GPM6B: variants seen among roughly 807,000 people sequenced by gnomAD.
The protein encoded by GPM6B is neuronal membrane glycoprotein M6-b.
GPM6B carries 4 observed loss-of-function variants against 27.2 expected under a neutral mutation model. The observed-to-expected ratio is 0.15, with a 90% CI of 0.07 to 0.34. The LOEUF is 0.34. Ranked by LOEUF, GPM6B falls within the 10% of genes least tolerant of loss-of-function variation. GPM6B has a pLI of 1.00. For synonymous variants in GPM6B, 124 were observed against 103.1 expected (o/e 1.20, Z -1.23); for missense variants, 183 against 261.9 (o/e 0.70, Z 2.08).
intron 4 of GPM6B, chrX:13,780,886 C>A (rs1280352553): frequency 3.4e-6 from 1 of 294,608 alleles, no homozygotes; most frequent in South Asian, 3.1e-5. Context: ...CTGATGGTCA[C>A]CCCTAACTTT....
chrX:13,797,721 A>G (rs111336027), intron 2 of GPM6B, among the ~76,000 whole-genome samples: 1,577 of 111,311 alleles, frequency 0.014, 30 homozygotes, highest in African/African-American at 0.049. Flanking sequence ...GAGTGGGTGC[A>G]AGCTCAACTC....
chrX:13,909,960 C>A (rs1419017795), intron 1 of GPM6B, among the ~76,000 whole-genome samples: 1 of 111,845 alleles, frequency 8.9e-6, no homozygotes. Context: ...TCCCTCCTAC[C>A]CGTCAATAAG....
chrX:13,851,525 C>T (rs1309654805), intron 1 of GPM6B, among the ~76,000 whole-genome samples: 6 of 110,996 alleles, frequency 5.4e-5, no homozygotes, highest in Admixed American at 1.9e-4. Context: ...GCCTTGCTTA[C>T]GGTCCTATAT....
chrX:13,904,953 C>T (rs952967347), intron 1 of GPM6B, among the ~76,000 whole-genome samples: 1 of 110,719 alleles, frequency 9.0e-6, no homozygotes, highest in African/African-American at 3.3e-5. Context: ...AGAAAAATCA[C>T]GCCAGATGTG....
chrX:13,896,496 G>A (rs7889015), intron 1 of GPM6B, among the ~76,000 whole-genome samples: 1,636 of 111,111 alleles, frequency 0.015, 26 homozygotes, highest in African/African-American at 0.05. Context: ...ATGTTCCTAA[G>A]TAATATTAGA....
At chrX:13,836,615 A>G (rs770552423) in intron 1 of GPM6B, among the ~76,000 whole-genome samples, 24 of 112,570 alleles carry the variant, frequency 2.1e-4, no homozygotes, top group Non-Finnish European at 4.1e-4. Context: ...AAGACATCCT[A>G]TATTTTTGTT....
intron 1 of GPM6B, among the ~76,000 whole-genome samples, chrX:13,892,811 T>C (rs892199768): frequency 8.9e-6 from 1 of 111,932 alleles, no homozygotes; most frequent in Admixed American, 9.5e-5. Flanking sequence ...TCTCAGCACT[T>C]TGGGAGGCCG....
intron 1 of GPM6B, among the ~76,000 whole-genome samples, chrX:13,886,670 A>G (rs2050137998): frequency 1.1e-5 from 1 of 95,227 alleles, no homozygotes; most frequent in South Asian, 6.2e-4. Context: ...ATCAAACCAA[A>G]GAGAATGACA....
At chrX:13,907,142 A>T (rs2050338691) in intron 1 of GPM6B, among the ~76,000 whole-genome samples, 1 of 112,576 alleles carries the variant, frequency 8.9e-6, no homozygotes, top group Non-Finnish European at 1.9e-5. Flanking sequence ...AAGCGACCAC[A>T]AAAGCCCTAT....
chrX:13,794,840 C>A (rs185640672), intron 2 of GPM6B, among the ~76,000 whole-genome samples: 1 of 112,005 alleles, frequency 8.9e-6, no homozygotes, highest in African/African-American at 3.2e-5. Flanking sequence ...CACAAACCAG[C>A]GTGTGACAGT....
intron 1 of GPM6B, among the ~76,000 whole-genome samples, chrX:13,836,362 G>A (rs1047866112): frequency 1.8e-5 from 2 of 111,717 alleles, no homozygotes; most frequent in Non-Finnish European, 3.8e-5. Flanking sequence ...AATCTACAGA[G>A]GCTTAATCAT....
intron 1 of GPM6B, among the ~76,000 whole-genome samples, chrX:13,839,177 A>G (rs1316756251): frequency 9.0e-6 from 1 of 111,457 alleles, no homozygotes; most frequent in Non-Finnish European, 1.9e-5. Context: ...CTTAACTACT[A>G]TCATTTCTTT....
intron 1 of GPM6B, among the ~76,000 whole-genome samples, chrX:13,850,762 C>A (rs1426756179): frequency 8.9e-6 from 1 of 112,363 alleles, no homozygotes; most frequent in Admixed American, 9.4e-5. Flanking sequence ...GTCTTTAGGA[C>A]ATGCAATGAA....
intron 1 of GPM6B, among the ~76,000 whole-genome samples, chrX:13,824,616 C>T (rs768554099): frequency 8.6e-4 from 96 of 111,616 alleles, no homozygotes; most frequent in African/African-American, 2.6e-3. Flanking sequence ...AGAGTCAGGG[C>T]GACCATACTT....
At chrX:13,912,542 G>A (rs1318878977) in intron 1 of GPM6B, among the ~76,000 whole-genome samples, 2 of 111,521 alleles carry the variant, frequency 1.8e-5, no homozygotes, top group Admixed American at 1.9e-4. Context: ...AGATGCTTTT[G>A]AAGCAATCCT....
At chrX:13,880,969 C>T (rs2050091377) in intron 1 of GPM6B, among the ~76,000 whole-genome samples, 1 of 111,370 alleles carries the variant, frequency 9.0e-6, no homozygotes, top group Non-Finnish European at 1.9e-5. Context: ...TCATGCATGT[C>T]TTGGCTCAAA....
chrX:13,921,481 G>C (rs1266479411), intron 1 of GPM6B, among the ~76,000 whole-genome samples: 1 of 111,472 alleles, frequency 9.0e-6, no homozygotes, highest in Non-Finnish European at 1.9e-5. Context: ...TTGAAGAGGA[G>C]ATGTTACAGC....
In GPM6B at chrX:13,925,756, T is replaced by C. The variant is rs1455855514; in HGVS notation, c.-198+12571A>G. On this transcript the variant is annotated intron_variant, in intron 1 of 6. Coordinates refer to the GPM6B transcript ENST00000398361. ...GACTTAATATAGTAAATACATTGAC[T>C]ATCATGAAATTATTCTGGCCAGGCG... Among the ~76,000 whole-genome samples, 3 of 111,289 alleles carry C rather than the reference T, an allele frequency of 2.7e-5. No homozygotes were observed. In the South Asian group the frequency reaches 1.1e-3, roughly 42 times the overall value.
intron 1 of GPM6B, among the ~76,000 whole-genome samples, chrX:13,880,653 G>T (rs1164046505): frequency 1.3e-4 from 10 of 77,924 alleles, no homozygotes; most frequent in Admixed American, 6.9e-4. Flanking sequence ...TCCAGCCTGG[G>T]AGACAGAGCA....
Sources: gnomAD v4.1 joint callset for allele counts (sites outside exome capture counted in the v4.1 genomes callset) on GRCh38, gnomAD v4.1.1 for gene constraint, MANE v1.5 for transcripts, NCBI Gene and HGNC (gene_info 2026-07-23, HGNC 2026-07-21) for gene names.